THSD7B: variants seen among roughly 807,000 people sequenced by gnomAD.
The protein encoded by THSD7B is thrombospondin type 1 domain containing 7B, also known as thrombospondin type-1 domain-containing protein 7B.
Under a neutral mutation model 213.6 loss-of-function variants are expected in THSD7B, and 138 were observed. The observed-to-expected ratio is 0.65, with a 90% CI of 0.56 to 0.74. The LOEUF (loss-of-function observed/expected upper bound fraction) is 0.74. Ranked by LOEUF, THSD7B falls within the 30% of genes least tolerant of loss-of-function variation. THSD7B has a pLI of 0.00. For missense variants in THSD7B, 1,931 were observed against 1,991.5 expected (o/e 0.97, Z 0.58); for synonymous variants, 742 against 687.0 (o/e 1.08, Z -1.25).
intron 12 of THSD7B, among the ~76,000 whole-genome samples, chr2:137,377,643 T>G (rs1285111028): frequency 6.6e-6 from 1 of 152,048 alleles, no homozygotes; most frequent in Admixed American, 6.6e-5. Flanking sequence ...TTTTTTTTTT[T>G]TGAGCTGGAG....
chr2:137,439,122 C>G (rs1687348311), intron 14 of THSD7B, among the ~76,000 whole-genome samples: 1 of 152,030 alleles, frequency 6.6e-6, no homozygotes, highest in South Asian at 2.1e-4. Context: ...TGTCAGGCTT[C>G]TAGAATGCAC....
chr2:137,282,581 A>G (rs967079232), intron 12 of THSD7B, among the ~76,000 whole-genome samples: 27 of 152,124 alleles, frequency 1.8e-4, no homozygotes, highest in Admixed American at 7.9e-4. Context: ...TAATTTTTGT[A>G]TAAGGTGTAA....
intron 2 of THSD7B, among the ~76,000 whole-genome samples, chr2:137,008,691 TG>T (rs1167384952): frequency 2.0e-4 from 30 of 152,322 alleles, no homozygotes; most frequent in Admixed American, 1.8e-3. Context: ...CTCTTATATT[TG>T]CATGGGCATC....
At chr2:137,488,491 C>G (rs1688526534) in intron 15 of THSD7B, among the ~76,000 whole-genome samples, 1 of 152,052 alleles carries the variant, frequency 6.6e-6, no homozygotes, top group African/African-American at 2.4e-5. Flanking sequence ...TTGGCCCTAC[C>G]TATAATTTTA....
chr2:137,285,014 A>G (rs535550701), intron 12 of THSD7B, among the ~76,000 whole-genome samples: 11 of 152,220 alleles, frequency 7.2e-5, no homozygotes, highest in South Asian at 2.1e-4. Flanking sequence ...TAAGTCTCCC[A>G]TTATTATTGT....
chr2:137,078,142 G>C (rs920291030), intron 3 of THSD7B, among the ~76,000 whole-genome samples: 2 of 152,094 alleles, frequency 1.3e-5, no homozygotes, highest in East Asian at 3.8e-4. Context: ...TTGTAGATAT[G>C]CGGCATTATT....
At position 137,676,668 on chromosome 2, in the gene THSD7B, C is replaced by T. The variant is rs913422403; in HGVS notation, c.*63C>T. On this transcript the variant is annotated 3_prime_UTR_variant, in exon 28 of 28. Transcript: ENST00000409968. ...TAACCGCTTTCTCTTTTGTAGCTCTCAGACTTCTCAGTTTTTTGAGGAATC... is the reference window on the plus strand; with the variant it reads ...TAACCGCTTTCTCTTTTGTAGCTCTTAGACTTCTCAGTTTTTTGAGGAATC... The T allele has an allele frequency of 2.6e-5, 37 of 1,402,946 alleles. No individual in the cohort carries two copies. Among genetic ancestry groups the T allele is most frequent in the African/African-American group, 1.3e-4 (9 of 67,722 alleles). The allele number at this position is 1,402,946 out of a possible 1,614,324, so 86.9% of individuals were successfully genotyped here.
chr2:137,026,606 G>A (rs1335142859), intron 2 of THSD7B, among the ~76,000 whole-genome samples: 1 of 152,010 alleles, frequency 6.6e-6, no homozygotes, highest in Non-Finnish European at 1.5e-5. Flanking sequence ...CCTACCCCCA[G>A]GTATTTCTTA....
chr2:137,669,477 G>A (rs1182885658), intron 27 of THSD7B, among the ~76,000 whole-genome samples: 3 of 151,796 alleles, frequency 2.0e-5, no homozygotes, highest in African/African-American at 7.3e-5. Flanking sequence ...ATTGATGTTT[G>A]GCTAGTATTG....
At chr2:137,452,268 A>T (rs1687666991) in intron 15 of THSD7B, among the ~76,000 whole-genome samples, 1 of 152,104 alleles carries the variant, frequency 6.6e-6, no homozygotes, top group African/African-American at 2.4e-5. Flanking sequence ...TTTAGGGAAA[A>T]TAAAGCAGAA....
At chr2:137,020,074 T>G (rs1457827199) in intron 2 of THSD7B, among the ~76,000 whole-genome samples, 5 of 152,148 alleles carry the variant, frequency 3.3e-5, no homozygotes, top group Non-Finnish European at 7.4e-5. Context: ...CTTGCAGCTG[T>G]TATTATAACT....
At chr2:137,274,389 G>T (rs946405623) in intron 11 of THSD7B, among the ~76,000 whole-genome samples, 2 of 151,992 alleles carry the variant, frequency 1.3e-5, no homozygotes, top group Admixed American at 6.6e-5. Flanking sequence ...TATTTAATTT[G>T]TCAAGTGAAT....
At chr2:137,284,829 C>T (rs1377787469) in intron 12 of THSD7B, among the ~76,000 whole-genome samples, 3 of 152,110 alleles carry the variant, frequency 2.0e-5, no homozygotes, top group East Asian at 1.9e-4. Flanking sequence ...ACTATGTGGT[C>T]AATTTTGGAA....
At chr2:137,019,082 C>G (rs967853128) in intron 2 of THSD7B, among the ~76,000 whole-genome samples, 1 of 152,106 alleles carries the variant, frequency 6.6e-6, no homozygotes, top group Non-Finnish European at 1.5e-5. Context: ...GAATGGTTCT[C>G]AAATATATTT....
chr2:137,059,822 G>A (rs996419306), intron 3 of THSD7B, among the ~76,000 whole-genome samples: 26 of 152,134 alleles, frequency 1.7e-4, no homozygotes, highest in African/African-American at 4.8e-4. Flanking sequence ...TTTGAATAAA[G>A]CTGCTATAAA....
intron 17 of THSD7B, among the ~76,000 whole-genome samples, chr2:137,588,897 A>T (rs1681803764): frequency 6.6e-6 from 1 of 152,064 alleles, no homozygotes; most frequent in Admixed American, 6.6e-5. Context: ...TTCCTGCCTC[A>T]GCCTCCTGAG....
At chr2:137,383,102 C>T (rs1685813169) in intron 12 of THSD7B, among the ~76,000 whole-genome samples, 2 of 152,166 alleles carry the variant, frequency 1.3e-5, no homozygotes, top group Non-Finnish European at 2.9e-5. Flanking sequence ...CTGGAAAATA[C>T]AGAAGTGGCT....
At chr2:136,837,406 C>CA (rs1682860804) in intron 1 of THSD7B, among the ~76,000 whole-genome samples, 1 of 152,210 alleles carries the variant, frequency 6.6e-6, no homozygotes, top group Non-Finnish European at 1.5e-5. Context: ...TTATAATTCT[C>CA]CTCACCCAGA....
chr2:137,127,405 T>C lies in THSD7B; in HGVS notation c.1369+12112T>C, dbSNP rs76919179. ...TGATAACACACTGCATACCTAATGATACTTAAAAAGAAATCTTTCATTTTG... is the reference window on the plus strand; with the variant it reads ...TGATAACACACTGCATACCTAATGACACTTAAAAAGAAATCTTTCATTTTG... On this transcript the variant is annotated intron_variant, in intron 5 of 27. Coordinates refer to ENST00000409968, the MANE Select transcript of THSD7B (RefSeq NM_001316349.2). 2.6e-3 allele frequency among the ~76,000 whole-genome samples: 398 copies of C among 152,308 alleles called. 2 individuals are homozygous for C. The highest frequency in any genetic ancestry group is 9.2e-3 in the African/African-American group (384 of 41,568).
Sources: allele counts gnomAD v4.1 joint callset (sites outside exome capture counted in the v4.1 genomes callset), GRCh38; gene constraint gnomAD v4.1.1; transcripts MANE v1.5; gene names NCBI Gene and HGNC (gene_info 2026-07-23, HGNC 2026-07-21).